The following FSTL5 variants were observed in gnomAD, a reference collection of about 807,000 sequenced individuals.
The protein encoded by FSTL5 is follistatin like 5, also known as follistatin-related protein 5.
FSTL5 carries 62 observed loss-of-function variants against 89.1 expected under a neutral mutation model. The observed-to-expected ratio is 0.70, with a 90% CI of 0.57 to 0.86. The LOEUF (loss-of-function observed/expected upper bound fraction) is 0.86. FSTL5 is among the 40% of genes least tolerant of loss of function. FSTL5 has a pLI of 0.00. For missense variants in FSTL5, 1,057 were observed against 1,001.6 expected, an observed-to-expected ratio of 1.06 and a Z score of -0.75; for synonymous variants, 383 against 346.2, an observed-to-expected ratio of 1.11 and a Z score of -1.18.
At chr4:162,003,071 G>A (rs1357080074) in intron 3 of FSTL5, among the ~76,000 whole-genome samples, 3 of 152,084 alleles carry the variant, frequency 2.0e-5, no homozygotes, top group Non-Finnish European at 4.4e-5. Context: ...GTGAAACCAG[G>A]AGGTGGAGCT....
intron 3 of FSTL5, among the ~76,000 whole-genome samples, chr4:161,980,269 GAAAGAA>G (rs1289549543): frequency 4.7e-5 from 4 of 85,090 alleles, no homozygotes; most frequent in Admixed American, 2.3e-4. Flanking sequence ...AAAAAAGAAA[GAAAGAA>G]AGAAAGAAAG....
intron 3 of FSTL5, among the ~76,000 whole-genome samples, chr4:162,027,462 A>G (rs550428576): frequency 2.1e-4 from 32 of 152,212 alleles, no homozygotes; most frequent in African/African-American, 6.7e-4. Context: ...TCAAAGTACC[A>G]ATTATTATCT....
At chr4:161,844,728 GA>G (rs1431418981) in intron 4 of FSTL5, among the ~76,000 whole-genome samples, 1 of 152,142 alleles carries the variant, frequency 6.6e-6, no homozygotes, top group Admixed American at 6.6e-5. Context: ...TCTTAAGTGG[GA>G]GTTGAGCAAA....
intron 15 of FSTL5, among the ~76,000 whole-genome samples, chr4:161,432,302 A>G (rs919785956): frequency 3.3e-5 from 5 of 152,250 alleles, no homozygotes; most frequent in African/African-American, 1.2e-4. Flanking sequence ...TAACAAGAGG[A>G]ATTTTGAAAA....
intron 8 of FSTL5, among the ~76,000 whole-genome samples, chr4:161,572,827 G>C (rs1304269726): frequency 6.6e-6 from 1 of 152,070 alleles, no homozygotes; most frequent in Non-Finnish European, 1.5e-5. Flanking sequence ...TAGGAGAAGT[G>C]AGAAATAAAC....
At position 161,742,967 on chromosome 4, in the gene FSTL5, A is replaced by G. The variant is rs1054134970; in HGVS notation, c.727+16444T>C. 3.9e-5 allele frequency among the ~76,000 whole-genome samples: 6 copies of G among 152,256 alleles called. No homozygotes were observed. In the South Asian group the frequency reaches 6.2e-4, roughly 16 times the overall value. The stretch of plus-strand genomic sequence containing the variant: ...CAACTACCTTGCCAATTTTTATATT[A>G]ATCTGTTATGTAGATGATTTGCAGT... On this transcript the variant is annotated intron_variant, in intron 6 of 15. Transcript: ENST00000306100.
At chr4:161,725,569 T>C (rs1009652859) in intron 6 of FSTL5, among the ~76,000 whole-genome samples, 2 of 151,994 alleles carry the variant, frequency 1.3e-5, no homozygotes, top group Admixed American at 1.3e-4. Context: ...TGAAAAAATA[T>C]ATTTTCTTCA....
At chr4:161,732,904 G>T in intron 6 of FSTL5, among the ~76,000 whole-genome samples, 1 of 148,824 alleles carries the variant, frequency 6.7e-6, no homozygotes, top group South Asian at 2.1e-4. Context: ...GTTTTATAAT[G>T]TTTTAAAATT....
chr4:162,068,720 A>G (rs1438608186), intron 2 of FSTL5, among the ~76,000 whole-genome samples: 1 of 152,146 alleles, frequency 6.6e-6, no homozygotes, highest in Non-Finnish European at 1.5e-5. Context: ...TAAACTAAAG[A>G]GCTTATGTAC....
intron 15 of FSTL5, among the ~76,000 whole-genome samples, chr4:161,412,102 G>C (rs1382693233): frequency 6.6e-6 from 1 of 152,024 alleles, no homozygotes; most frequent in Non-Finnish European, 1.5e-5. Context: ...TAGCCAAAAA[G>C]AAAATGAAAT....
chr4:161,960,798 C>A (rs359510), intron 3 of FSTL5, among the ~76,000 whole-genome samples: 11,022 of 151,224 alleles, frequency 0.073, 1,110 homozygotes, highest in African/African-American at 0.23. Flanking sequence ...GTAAGGAGAC[C>A]CAAAGAAGAC....
At chr4:161,823,325 G>A (rs948020311) in intron 4 of FSTL5, among the ~76,000 whole-genome samples, 28 of 152,120 alleles carry the variant, frequency 1.8e-4, no homozygotes, top group African/African-American at 6.3e-4. Flanking sequence ...CCCAAGGGGC[G>A]TCTGCAGGCT....
chr4:161,813,783 T>C (rs777719739), intron 4 of FSTL5, among the ~76,000 whole-genome samples: 2 of 152,164 alleles, frequency 1.3e-5, no homozygotes, highest in Non-Finnish European at 2.9e-5. Flanking sequence ...TATGATGAAC[T>C]GGGAATTAAA....
rs1553996345 is a variant in FSTL5, at chr4:161,546,307, T to TAC, written c.1016-3616_1016-3615dup. Among the ~76,000 whole-genome samples, 267 of 148,282 alleles carry TAC rather than the reference T, an allele frequency of 1.8e-3. 2 individuals carry two copies. The highest frequency in any genetic ancestry group is 5.8e-3 in the African/African-American group (237 of 40,914). On this transcript the variant is annotated intron_variant, in intron 8 of 15. Coordinates refer to ENST00000306100, the MANE Select transcript of FSTL5 (RefSeq NM_020116.5). ...TATATACATATTATATATATATATA[T>TAC]ACACATATATAAAACTGAAGAGAGC...
chr4:161,978,659 A>G (rs1041857069), intron 3 of FSTL5, among the ~76,000 whole-genome samples: 4 of 152,126 alleles, frequency 2.6e-5, no homozygotes, highest in African/African-American at 7.2e-5. Flanking sequence ...TGATTTAACA[A>G]TACACTTTAA....
At chr4:161,829,736 A>G (rs1039620614) in intron 4 of FSTL5, among the ~76,000 whole-genome samples, 2 of 152,116 alleles carry the variant, frequency 1.3e-5, no homozygotes, top group African/African-American at 2.4e-5. Context: ...TAAATGGTAA[A>G]GTAAATGAAC....
Position 161,792,005 on chromosome 4 carries a change from C to T in FSTL5, c.410-15931G>A, listed in dbSNP as rs532057034. Among the ~76,000 whole-genome samples, 255 of 152,274 alleles carry T rather than the reference C, an allele frequency of 1.7e-3. 2 individuals are homozygous for T. The highest frequency in any genetic ancestry group is 5.8e-3 in the African/African-American group (242 of 41,568). On this transcript the variant is annotated intron_variant, in intron 4 of 15. Transcript: ENST00000306100. ...CGGTTGGATGCCCCGCACTGCCAGG[C>T]ACAGCTACAGTCACCCAGCTGCAGC...
chr4:161,438,150 G>T (rs912211495), intron 15 of FSTL5, among the ~76,000 whole-genome samples: 3 of 152,160 alleles, frequency 2.0e-5, no homozygotes, highest in African/African-American at 4.8e-5. Flanking sequence ...TTCATTAAAG[G>T]CAGGAAGGGT....
chr4:161,842,366 G>A (rs1014626903), intron 4 of FSTL5, among the ~76,000 whole-genome samples: 2 of 152,202 alleles, frequency 1.3e-5, no homozygotes, highest in South Asian at 4.1e-4. Flanking sequence ...CATTCTTTCA[G>A]ATTATTTTTC....
Sources: gnomAD v4.1 joint callset for allele counts (sites outside exome capture counted in the v4.1 genomes callset) on GRCh38, gnomAD v4.1.1 for gene constraint, MANE v1.5 for transcripts, NCBI Gene and HGNC (gene_info 2026-07-23, HGNC 2026-07-21) for gene names.